Variants in LRRC8A observed in about 807,000 individuals in gnomAD.
LRRC8A encodes volume-regulated anion channel subunit LRRC8A.
In LRRC8A, 24 loss-of-function variants were observed where a neutral mutation model predicts 52.5. That is an observed-to-expected ratio of 0.46 (90% CI 0.33 to 0.64). LRRC8A has a LOEUF of 0.64. Among genes scored for constraint, LRRC8A ranks in the 30% least tolerant of loss-of-function variants. LRRC8A has a pLI of 0.02. For missense variants in LRRC8A, 677 were observed against 1,094.7 expected (o/e 0.62, Z 5.38); for synonymous variants, 492 against 494.2 (o/e 1.00, Z 0.06).
chr9:128,903,714 G>T (rs539695945), intron 2 of LRRC8A, among the ~76,000 whole-genome samples: 152 of 150,250 alleles, frequency 1.0e-3, no homozygotes, highest in African/African-American at 3.7e-3. Flanking sequence ...TGCCTGGCCC[G>T]AGAAGTGCTG....
Position 128,908,005 on chromosome 9 carries a change from T to A in LRRC8A, c.841T>A (p.Tyr281Asn). Residue 281 changes from tyrosine to asparagine, a missense_variant, in exon 3 of 4, where the codon TAC becomes AAC. Coordinates refer to ENST00000372600, the MANE Select transcript of LRRC8A (RefSeq NM_019594.4). ...KVIKFILIIC[Y>N]TVYYVHNIKF... is the part of the protein sequence containing the mutation. ...GATCAAGTTCATCCTCATCATCTGC[T>A]ACACCGTCTACTACGTGCACAACAT... is the stretch of plus-strand genomic sequence containing the variant. The A allele has an allele frequency of 6.2e-7, 1 of 1,614,114 alleles. No individual in the cohort carries two copies. The highest frequency in any genetic ancestry group is 8.5e-7 in the Non-Finnish European group (1 of 1,180,032).
At chr9:128,884,714 C>G (rs1839320312) in intron 1 of LRRC8A, among the ~76,000 whole-genome samples, 1 of 152,106 alleles carries the variant, frequency 6.6e-6, no homozygotes, top group African/African-American at 2.4e-5. Context: ...CTGCCATGGG[C>G]AGGTGATTGG....
At position 128,916,756 on chromosome 9, in the gene LRRC8A, A is replaced by G. The variant is rs535153394; in HGVS notation, c.*385A>G. The G allele has an allele frequency of 4.9e-5, 9 of 184,550 alleles. No individual in the cohort carries two copies. The South Asian group carries it at 1.2e-3, about 25-fold the overall frequency. The allele number at this position is 184,550 out of a possible 1,614,324, so 11.4% of individuals were successfully genotyped here. The stretch of plus-strand genomic sequence containing the variant: ...CATCTCCCACCTCCTTCATCCAGAT[A>G]ACTTATACATTCCCAAGAAAGTTCA... On this transcript the variant is annotated 3_prime_UTR_variant, in exon 4 of 4. Transcript: ENST00000372600. This position sits in a 1 kb window ranked among gnomAD's most constrained non-coding sequence, Gnocchi z 6.1.
chr9:128,905,131 C>T (rs1035271846), intron 2 of LRRC8A, among the ~76,000 whole-genome samples: 4 of 152,064 alleles, frequency 2.6e-5, no homozygotes, highest in Admixed American at 2.0e-4. Flanking sequence ...CATGATCACG[C>T]CACCGCACTC....
At chr9:128,898,974 C>A (rs1052415677) in intron 2 of LRRC8A, among the ~76,000 whole-genome samples, 1 of 152,202 alleles carries the variant, frequency 6.6e-6, no homozygotes. Context: ...TCCCTCTCTG[C>A]CAGCTGGAGG....
chr9:128,910,877 G>C (rs561580031), intron 3 of LRRC8A, among the ~76,000 whole-genome samples: 1 of 152,148 alleles, frequency 6.6e-6, no homozygotes. Flanking sequence ...GGCAACCCGC[G>C]TTTCTTAGTT....
intron 2 of LRRC8A, among the ~76,000 whole-genome samples, chr9:128,903,622 C>T (rs909487504): frequency 6.6e-6 from 1 of 151,744 alleles, no homozygotes; most frequent in Non-Finnish European, 1.5e-5. Context: ...ACCTTGTTAG[C>T]CAGGATGGTC....
chr9:128,883,638 G>C (rs1214096624), intron 1 of LRRC8A, among the ~76,000 whole-genome samples: 2 of 152,176 alleles, frequency 1.3e-5, no homozygotes, highest in Non-Finnish European at 2.9e-5. Context: ...CTTTGGCATG[G>C]GGTCTGATGC....
At chr9:128,909,641 C>T (rs1407113406) in intron 3 of LRRC8A, among the ~76,000 whole-genome samples, 1 of 152,230 alleles carries the variant, frequency 6.6e-6, no homozygotes, top group African/African-American at 2.4e-5. Context: ...CCGGGTTCCT[C>T]TTCAGCAGGG....
chr9:128,885,504 C>T (rs1839357821), intron 1 of LRRC8A: 1 of 152,282 alleles, frequency 6.6e-6, no homozygotes, highest in Non-Finnish European at 1.5e-5. Flanking sequence ...TAGTCTGGGT[C>T]TAGTGCTTCT....
rs1213078511 is a variant in LRRC8A at position 128,910,340 on chromosome 9, C to T, written c.2157+1019C>T. 2.0e-5 allele frequency among the ~76,000 whole-genome samples: 3 copies of T among 152,262 alleles called. No individual in the cohort carries two copies. The East Asian group carries it at 5.8e-4, about 29-fold the overall frequency. ...CTGCCCCCGACACAGCAGCAGCTGT[C>T]GTGCCGGGCCCCTGTGAACTTCACT... On this transcript the variant is annotated intron_variant, in intron 3 of 3. Coordinates refer to ENST00000372600, the MANE Select transcript of LRRC8A (RefSeq NM_019594.4).
chr9:128,913,913 CCT>C (rs1840677834), intron 3 of LRRC8A, among the ~76,000 whole-genome samples: 1 of 152,158 alleles, frequency 6.6e-6, no homozygotes, highest in Non-Finnish European at 1.5e-5. Context: ...GAAAGCACCC[CCT>C]GTGCCTGGGC....
In LRRC8A at chr9:128,892,019, C is replaced by G. The variant is rs1380452353; in HGVS notation, c.-9+5898C>G. ...CCAGAGCCTTACTGTATGGCAGGCA[C>G]TAGTCCAAAAGCTTTATATGGACTG... On this transcript the variant is annotated intron_variant, in intron 2 of 3. Transcript: ENST00000372600. This position sits in a 1 kb window ranked among gnomAD's most constrained non-coding sequence, Gnocchi z 5.2. Among the ~76,000 whole-genome samples the G allele has an allele frequency of 6.6e-6, 1 of 152,196 alleles. No individual in the cohort carries two copies. Among genetic ancestry groups the G allele is most frequent in the Non-Finnish European group, 1.5e-5 (1 of 68,026 alleles).
chr9:128,906,563 T>C (rs1295606627), intron 2 of LRRC8A, among the ~76,000 whole-genome samples: 1 of 152,170 alleles, frequency 6.6e-6, no homozygotes, highest in Non-Finnish European at 1.5e-5. Flanking sequence ...CTTCAGGTGA[T>C]CCACCCACCT....
In LRRC8A at chr9:128,908,857, G is replaced by T. The variant is rs758129815; in HGVS notation, c.1693G>T (p.Val565Leu). The change falls in exon 3 of 4, where the codon GTG becomes TTG. Residue 565 changes from valine (V) to leucine (L), a missense_variant. Around this residue, in one of 4 missense-constraint regions of LRRC8A, gnomAD observed 422 missense variants for 741.5 expected, o/e 0.57. Coordinates refer to ENST00000372600, the MANE Select transcript of LRRC8A (RefSeq NM_019594.4). Reference sequence around the variant, plus strand: ...CAAGCTGCCACAGGTGGTCACAGATGTGGGCGTGCACCTGCAGAAGCTGTC... The same window carrying T: ...CAAGCTGCCACAGGTGGTCACAGATTTGGGCGTGCACCTGCAGAAGCTGTC... ...LSKLPQVVTD[V>L]GVHLQKLSIN... is the part of the protein sequence containing the mutation. 6.2e-7 allele frequency: 1 copy of T among 1,613,834 alleles called. No individual in the cohort carries two copies. The highest frequency in any genetic ancestry group is 1.3e-5 in the African/African-American group (1 of 75,052).
intron 2 of LRRC8A, among the ~76,000 whole-genome samples, chr9:128,894,798 A>G (rs1839761358): frequency 1.3e-5 from 2 of 151,996 alleles, no homozygotes; most frequent in East Asian, 3.9e-4. Flanking sequence ...ACCTCAAAAA[A>G]AAAAAAAAAA....
intron 1 of LRRC8A, among the ~76,000 whole-genome samples, chr9:128,885,560 C>T (rs1438502042): frequency 9.2e-5 from 14 of 152,222 alleles, no homozygotes; most frequent in Admixed American, 4.6e-4. Flanking sequence ...ACCGTCGCTA[C>T]TGACTTGGCA....
Position 128,916,327 on chromosome 9 carries a change from G to A in LRRC8A, c.2389G>A (p.Glu797Lys), listed in dbSNP as rs561567188. Residue 797 changes from glutamate to lysine, a missense_variant, in exon 4 of 4, where the codon GAG (glutamate) becomes AAG (lysine). This residue lies in a region of LRRC8A where 169 missense variants were observed against 217.6 expected (regional missense o/e 0.78). Transcript: ENST00000372600. The surrounding 1 kb of genome is among the most constrained non-coding windows in gnomAD (Gnocchi z 6.1). ...EEDLFNTLPPEVKERLWRADK... is the reference protein window; with the variant it reads ...EEDLFNTLPPKVKERLWRADK... Reference sequence around the variant, plus strand: ...GGACCTGTTCAACACACTGCCACCCGAGGTGAAGGAGCGGCTGTGGAGGGC... The same window carrying A: ...GGACCTGTTCAACACACTGCCACCCAAGGTGAAGGAGCGGCTGTGGAGGGC... 48 of 1,612,232 alleles carry A rather than the reference G, an allele frequency of 3.0e-5. No homozygotes were observed. Among genetic ancestry groups the A allele is most frequent in the Admixed American group, 1.8e-4 (11 of 60,006 alleles).
intron 2 of LRRC8A, among the ~76,000 whole-genome samples, chr9:128,887,808 A>AT (rs147863099): frequency 2.6e-5 from 4 of 151,342 alleles, no homozygotes; most frequent in Admixed American, 6.6e-5. Flanking sequence ...CGCCCGGCTA[A>AT]TTTTTTTTGT....
Sources: gnomAD v4.1 joint callset for allele counts (sites outside exome capture counted in the v4.1 genomes callset) on GRCh38, gnomAD v4.1.1 for gene constraint, gnomAD v4.1.1 regional missense constraint, Gnocchi (gnomAD v3.1) non-coding constraint, MANE v1.5 for transcripts, NCBI Gene and HGNC (gene_info 2026-07-23, HGNC 2026-07-21) for gene names.